Variants in M1AP observed in about 807,000 individuals in gnomAD.
M1AP encodes the protein meiosis 1 arrest protein.
Under a neutral mutation model 51.2 loss-of-function variants are expected in M1AP, and 39 were observed. The observed-to-expected ratio is 0.76, with a 90% CI of 0.59 to 1.00. M1AP has a LOEUF of 1.00. M1AP is among the 50% of genes least tolerant of loss of function. The pLI, the probability that M1AP is intolerant of heterozygous loss-of-function variation, is 0.00. For synonymous variants in M1AP, 251 were observed against 249.2 expected (o/e 1.01, Z -0.07); for missense variants, 545 against 641.2 (o/e 0.85, Z 1.62).
chr2:74,619,033 G>A, intron 2 of M1AP: 2 of 495,446 alleles, frequency 4.0e-6, no homozygotes, highest in African/African-American at 2.0e-5. Context: ...TTCATCGGCA[G>A]GAAAAAGGTA....
In M1AP at chr2:74,640,099, G is replaced by A. The variant is rs373804877; in HGVS notation, c.177C>T (p.Ser59=). 6 of 1,614,196 alleles carry A rather than the reference G, an allele frequency of 3.7e-6. No homozygotes were observed. Among genetic ancestry groups the A allele is most frequent in the Middle Eastern group, 1.6e-4 (1 of 6,062 alleles). ...TGTATAAACTGAACAGGGACATGCGGCTGGGGCCCATCAAGCTGCAGGCTA... is the reference window on the plus strand; with the variant it reads ...TGTATAAACTGAACAGGGACATGCGACTGGGGCCCATCAAGCTGCAGGCTA... The part of the protein sequence containing the change: ...FSLACSLMGP[S]RMSLFSLYMV... The change falls in exon 2 of 11, where the codon AGC becomes AGT. Residue 59 remains serine, a synonymous_variant. Coordinates refer to ENST00000421985, the MANE Select transcript of M1AP (RefSeq NM_001321739.2).
chr2:74,588,092 C>T (rs1475859231), intron 4 of M1AP, among the ~76,000 whole-genome samples: 1 of 152,208 alleles, frequency 6.6e-6, no homozygotes, highest in African/African-American at 2.4e-5. Flanking sequence ...TTGCCCAGTC[C>T]TCCACATCTT....
intron 2 of M1AP, among the ~76,000 whole-genome samples, chr2:74,620,071 G>A (rs1008476632): frequency 6.6e-6 from 1 of 152,270 alleles, no homozygotes; most frequent in African/African-American, 2.4e-5. Context: ...CAGTTTGTGT[G>A]GCAAACACTC....
At chr2:74,578,797 T>A (rs1172810624) in intron 5 of M1AP, among the ~76,000 whole-genome samples, 1 of 152,174 alleles carries the variant, frequency 6.6e-6, no homozygotes, top group Non-Finnish European at 1.5e-5. Flanking sequence ...AGAGTGAACA[T>A]CTGAGATGCA....
chr2:74,623,234 T>C (rs1682172418), intron 2 of M1AP, among the ~76,000 whole-genome samples: 4 of 152,162 alleles, frequency 2.6e-5, no homozygotes, highest in Admixed American at 1.3e-4. Context: ...CTGGGTGCAG[T>C]GGCTCACGCC....
At chr2:74,592,026 A>G (rs1017293429) in intron 4 of M1AP, among the ~76,000 whole-genome samples, 6 of 151,898 alleles carry the variant, frequency 4.0e-5, no homozygotes, top group African/African-American at 1.5e-4. Context: ...CTGGTCTCGA[A>G]CTACTGACCT....
At chr2:74,574,434 G>A (rs946343569) in intron 7 of M1AP, among the ~76,000 whole-genome samples, 2 of 152,102 alleles carry the variant, frequency 1.3e-5, no homozygotes, top group Admixed American at 6.6e-5. Flanking sequence ...GCCAAGAAGC[G>A]ATTCTAAAAT....
At chr2:74,636,151 T>C (rs2104824807) in intron 2 of M1AP, among the ~76,000 whole-genome samples, 2 of 152,250 alleles carry the variant, frequency 1.3e-5, no homozygotes, top group South Asian at 4.1e-4. Flanking sequence ...GTTTGATGCA[T>C]ACACATTTAG....
intron 3 of M1AP, among the ~76,000 whole-genome samples, chr2:74,614,190 T>C (rs912764493): frequency 6.6e-6 from 1 of 152,234 alleles, no homozygotes; most frequent in African/African-American, 2.4e-5. Flanking sequence ...TCCAGTATGT[T>C]GTGATTCTCT....
In M1AP at chr2:74,560,288, T is replaced by C. The variant is rs777348350; in HGVS notation, c.1285A>G (p.Met429Val). The C allele has an allele frequency of 6.3e-7, 1 of 1,592,950 alleles. No homozygotes were observed. Among genetic ancestry groups the C allele is most frequent in the South Asian group, 1.1e-5 (1 of 88,238 alleles). The stretch of plus-strand genomic sequence containing the variant: ...GGCTCCAGCTCCAGGCTGTCCAGCA[T>C]GCTCTGAGGAAAAGAGAGGAGGGGC... ...HDDSLKNVES[M>V]LDSLELEPTY... Residue 429 changes from methionine to valine, a missense_variant, in exon 9 of 11, where the codon ATG becomes GTG. Met to Val is a conservative substitution (Grantham distance 21). Coordinates refer to ENST00000421985, the MANE Select transcript of M1AP (RefSeq NM_001321739.2).
At chr2:74,567,755 A>G (rs894494124) in intron 7 of M1AP, among the ~76,000 whole-genome samples, 4 of 152,242 alleles carry the variant, frequency 2.6e-5, no homozygotes, top group Non-Finnish European at 5.9e-5. Context: ...GAATGCTGCC[A>G]AAACACATAG....
At chr2:74,617,705 AAG>A (rs1194267536) in intron 2 of M1AP, among the ~76,000 whole-genome samples, 1 of 152,238 alleles carries the variant, frequency 6.6e-6, no homozygotes, top group African/African-American at 2.4e-5. Context: ...CATTTGTTTT[AAG>A]AGTGTCTGGG....
intron 4 of M1AP, among the ~76,000 whole-genome samples, chr2:74,595,856 T>A (rs1680303657): frequency 6.6e-6 from 1 of 152,220 alleles, no homozygotes. Context: ...GCATTTTATG[T>A]GAATATTGTA....
At chr2:74,619,686 T>C (rs1305354524) in intron 2 of M1AP, among the ~76,000 whole-genome samples, 1 of 152,216 alleles carries the variant, frequency 6.6e-6, no homozygotes, top group Admixed American at 6.5e-5. Context: ...ACATAAATAT[T>C]TATCATTCAC....
intron 2 of M1AP, among the ~76,000 whole-genome samples, chr2:74,629,516 G>C (rs750042233): frequency 6.6e-6 from 1 of 152,142 alleles, no homozygotes; most frequent in African/African-American, 2.4e-5. Context: ...ACTTTGGGAG[G>C]CCCAAGTGGG....
At chr2:74,600,813 T>C (rs1483891712) in intron 4 of M1AP, among the ~76,000 whole-genome samples, 1 of 152,172 alleles carries the variant, frequency 6.6e-6, no homozygotes, top group African/African-American at 2.4e-5. Context: ...AGTGAACAAC[T>C]GAGCAGCAAT....
chr2:74,576,009 G>A (rs1573082048), intron 6 of M1AP, among the ~76,000 whole-genome samples: 1 of 152,082 alleles, frequency 6.6e-6, no homozygotes, highest in Non-Finnish European at 1.5e-5. Flanking sequence ...ATGAGCCACC[G>A]TGCCTAGTCT....
At chr2:74,600,144 C>G (rs1680597309) in intron 4 of M1AP, among the ~76,000 whole-genome samples, 1 of 152,124 alleles carries the variant, frequency 6.6e-6, no homozygotes, top group South Asian at 2.1e-4. Flanking sequence ...GAGCACACTA[C>G]TTGGATGTGA....
At chr2:74,636,634 T>C (rs1683005152) in intron 2 of M1AP, among the ~76,000 whole-genome samples, 1 of 152,160 alleles carries the variant, frequency 6.6e-6, no homozygotes, top group Admixed American at 6.6e-5. Flanking sequence ...GGTTTTTTAG[T>C]GGTGGCTCTA....
Sources: allele counts gnomAD v4.1 joint callset (sites outside exome capture counted in the v4.1 genomes callset), GRCh38; gene constraint gnomAD v4.1.1; transcripts MANE v1.5; gene names NCBI Gene and HGNC (gene_info 2026-07-23, HGNC 2026-07-21).